The following IL19 variants were observed in gnomAD, a reference collection of about 807,000 sequenced individuals.
IL19 encodes the protein interleukin-19.
IL19 carries 15 observed loss-of-function variants against 19.5 expected under a neutral mutation model. The ratio of observed to expected loss-of-function variants is 0.77; its 90% CI spans 0.52 to 1.19. The LOEUF is 1.19. Among genes scored for constraint, IL19 ranks in the 50% most tolerant of loss-of-function variants. IL19 has a pLI of 0.00. For synonymous variants in IL19, 78 were observed against 78.3 expected, an observed-to-expected ratio of 1.00 and a Z score of 0.02; for missense variants, 199 against 213.1, an observed-to-expected ratio of 0.93 and a Z score of 0.41.
chr1:206,771,243 C>A, intron 1 of IL19, 165 bp downstream of exon 1: 2 of 1,193,078 alleles, frequency 1.7e-6, no homozygotes, highest in Non-Finnish European at 2.5e-6. Context: ...CATCTTCCCA[C>A]TTCTCCTTTT....
chr1:206,771,005 C>A lies in IL19; in HGVS notation c.-222C>A. 1 of 1,614,150 alleles carries A rather than the reference C, an allele frequency of 6.2e-7. No homozygotes were observed. The highest frequency in any genetic ancestry group is 8.5e-7 in the Non-Finnish European group (1 of 1,179,988). On this transcript the variant is annotated 5_prime_UTR_variant, in exon 1 of 7. Transcript: ENST00000659997. ...TCTTGGTTCTCAGCTTGGGGCATCACCTCCTCCAGGTAAAACTGGATCATC... is the reference window on the plus strand; with the variant it reads ...TCTTGGTTCTCAGCTTGGGGCATCAACTCCTCCAGGTAAAACTGGATCATC...
intron 2 of IL19, among the ~76,000 whole-genome samples, chr1:206,835,861 T>A (rs1015476085): frequency 6.6e-6 from 1 of 152,228 alleles, no homozygotes; most frequent in Non-Finnish European, 1.5e-5. Context: ...TGTGGCACAA[T>A]ACAAAGTGGT....
chr1:206,842,038 CTG>C (rs1334207067), intron 6 of IL19, among the ~76,000 whole-genome samples: 4 of 152,192 alleles, frequency 2.6e-5, no homozygotes, highest in African/African-American at 7.2e-5. Flanking sequence ...ATTTCCAGCT[CTG>C]TTACTAACTG....
chr1:206,814,946 G>C (rs1327587875), intron 2 of IL19, among the ~76,000 whole-genome samples: 8 of 152,150 alleles, frequency 5.3e-5, no homozygotes, highest in Non-Finnish European at 1.0e-4. Context: ...TGAAACCTTA[G>C]AGACCTAAAA....
chr1:206,798,875 A>T lies in IL19; in HGVS notation c.-134A>T. The T allele has an allele frequency of 6.4e-7, 1 of 1,566,734 alleles. No homozygotes were observed. Among genetic ancestry groups the T allele is most frequent in the Non-Finnish European group, 8.8e-7 (1 of 1,139,814 alleles). ...TTTCTCCATAGAGCGGTGCTTGCAC[A>T]CACTGACAGGAGTCCAAGAATGTGC... On this transcript the variant is annotated 5_prime_UTR_variant, in exon 2 of 7. Transcript: ENST00000659997.
intron 1 of IL19, among the ~76,000 whole-genome samples, chr1:206,778,588 A>T (rs941267282): frequency 6.6e-6 from 1 of 152,150 alleles, no homozygotes; most frequent in African/African-American, 2.4e-5. Flanking sequence ...TCCCATGACT[A>T]AAAAAGTCCT....
intron 5 of IL19, chr1:206,840,635 C>T (rs1272796003): frequency 4.8e-6 from 1 of 210,130 alleles, no homozygotes; most frequent in Non-Finnish European, 9.7e-6. Context: ...ATTCACCTAA[C>T]CAGTTGTTTA....
At position 206,828,088 on chromosome 1, in the gene IL19, T is replaced by C. The variant is rs1676488430; in HGVS notation, c.-2-8573T>C. Among the ~76,000 whole-genome samples the C allele has an allele frequency of 2.0e-5, 3 of 152,302 alleles. 1 individual carries two copies. Among genetic ancestry groups the C allele is most frequent in the Admixed American group, 1.3e-4 (2 of 15,294 alleles). ...AGTCTATGAATTTTGTTAGAGGAACTCCTGCTTACCAGGCCTCTGGTTTAA... is the reference window on the plus strand; with the variant it reads ...AGTCTATGAATTTTGTTAGAGGAACCCCTGCTTACCAGGCCTCTGGTTTAA... On this transcript the variant is annotated intron_variant, in intron 2 of 6. Coordinates refer to ENST00000659997, the MANE Select transcript of IL19 (RefSeq NM_153758.5).
chr1:206,825,256 C>T (rs1676399838), intron 2 of IL19, among the ~76,000 whole-genome samples: 1 of 152,182 alleles, frequency 6.6e-6, no homozygotes, highest in Admixed American at 6.5e-5. Context: ...TGTATTTAAA[C>T]ATTGATCATA....
chr1:206,792,934 G>A (rs574782108), intron 1 of IL19, among the ~76,000 whole-genome samples: 2 of 152,300 alleles, frequency 1.3e-5, no homozygotes, highest in East Asian at 3.9e-4. Flanking sequence ...GAACTAATTG[G>A]CATATAATTA....
At chr1:206,833,337 C>T (rs1014634607) in intron 2 of IL19, among the ~76,000 whole-genome samples, 2 of 152,216 alleles carry the variant, frequency 1.3e-5, no homozygotes, top group African/African-American at 2.4e-5. Context: ...CTTCCTTATA[C>T]GCTGGCTAAA....
chr1:206,816,502 G>A (rs997631637), intron 2 of IL19, among the ~76,000 whole-genome samples: 1 of 151,926 alleles, frequency 6.6e-6, no homozygotes, highest in Non-Finnish European at 1.5e-5. Flanking sequence ...AAACCCTAAA[G>A]CAGCCACTGC....
intron 2 of IL19, among the ~76,000 whole-genome samples, chr1:206,821,460 G>T (rs1676289232): frequency 6.6e-6 from 1 of 151,978 alleles, no homozygotes; most frequent in Non-Finnish European, 1.5e-5. Context: ...TTTGCCAAAG[G>T]TTCTTTTTGC....
chr1:206,779,186 C>T (rs1338115567), intron 1 of IL19, among the ~76,000 whole-genome samples: 1 of 152,166 alleles, frequency 6.6e-6, no homozygotes, highest in Non-Finnish European at 1.5e-5. Context: ...CGTAAACATG[C>T]TCTCCATTAT....
At chr1:206,776,658 T>C (rs2945417) in intron 1 of IL19, among the ~76,000 whole-genome samples, 135,698 of 151,602 alleles carry the variant, frequency 0.9, 61,052 homozygotes, top group Non-Finnish European at 0.95. Context: ...TGACCGCATA[T>C]ACCTTTAAAC....
intron 2 of IL19, among the ~76,000 whole-genome samples, chr1:206,820,699 A>T (rs1201744172): frequency 1.3e-5 from 2 of 152,252 alleles, no homozygotes; most frequent in Non-Finnish European, 2.9e-5. Context: ...CCTCTACTTT[A>T]CTGTGGCATT....
At chr1:206,793,844 T>A (rs1297937245) in intron 1 of IL19, among the ~76,000 whole-genome samples, 1 of 152,230 alleles carries the variant, frequency 6.6e-6, no homozygotes, top group East Asian at 1.9e-4. Flanking sequence ...ATTAATGGCA[T>A]CATCTGGTCG....
At chr1:206,814,373 T>C (rs1407273891) in intron 2 of IL19, among the ~76,000 whole-genome samples, 1 of 151,048 alleles carries the variant, frequency 6.6e-6, no homozygotes, top group Non-Finnish European at 1.5e-5. Context: ...TAAACAGCAT[T>C]CTGCAGAGGA....
intron 2 of IL19, among the ~76,000 whole-genome samples, chr1:206,804,592 T>C (rs11119597): frequency 0.089 from 13,577 of 152,170 alleles, 939 homozygotes; most frequent in African/African-American, 0.19. Context: ...TCTTTCCAGG[T>C]ACAATGCAAA....
Sources: allele counts gnomAD v4.1 joint callset (sites outside exome capture counted in the v4.1 genomes callset), GRCh38; gene constraint gnomAD v4.1.1; transcripts MANE v1.5; gene names NCBI Gene and HGNC (gene_info 2026-07-23, HGNC 2026-07-21).